Variants in ANO1 observed in about 807,000 individuals in gnomAD.
The protein encoded by ANO1 is anoctamin 1.
ANO1 carries 59 observed loss-of-function variants against 124.0 expected under a neutral mutation model. The ratio of observed to expected loss-of-function variants is 0.48; its 90% CI spans 0.39 to 0.59. The LOEUF (loss-of-function observed/expected upper bound fraction) is 0.59. ANO1 is among the 20% of genes least tolerant of loss of function. ANO1 has a pLI of 0.00. For synonymous variants in ANO1, 529 were observed against 532.0 expected (o/e 0.99, Z 0.08); for missense variants, 1,059 against 1,328.0 (o/e 0.80, Z 3.15).
At chr11:70,156,886 C>T (rs1439114823) in intron 15 of ANO1, 61 bp from the exon 16 acceptor site, 3 of 1,502,450 alleles carry the variant, frequency 2.0e-6, no homozygotes, top group Non-Finnish European at 1.8e-6. Context: ...CCCACGCTGA[C>T]ACACAGAGAT....
At chr11:70,162,548 C>T (rs1396924222) in intron 18 of ANO1, among the ~76,000 whole-genome samples, 1 of 152,150 alleles carries the variant, frequency 6.6e-6, no homozygotes, top group South Asian at 2.1e-4. Context: ...CGCCTGGGCC[C>T]TCTGGAGCCA....
intron 11 of ANO1, among the ~76,000 whole-genome samples, chr11:70,133,875 C>T (rs575432311): frequency 1.4e-3 from 219 of 152,314 alleles, no homozygotes; most frequent in African/African-American, 5.0e-3. Flanking sequence ...CTCTGCAGCT[C>T]CTGCTCCAGC....
chr11:70,019,308 C>A (rs1196581963), intron 1 of ANO1, among the ~76,000 whole-genome samples: 1 of 145,772 alleles, frequency 6.9e-6, no homozygotes, highest in Non-Finnish European at 1.5e-5. Context: ...TACACACATG[C>A]CATGCACATG....
At chr11:70,098,400 G>A (rs886984238) in intron 2 of ANO1, among the ~76,000 whole-genome samples, 1 of 152,238 alleles carries the variant, frequency 6.6e-6, no homozygotes, top group African/African-American at 2.4e-5. Context: ...TATGGGAGGT[G>A]CCTGGCCTGC....
upstream of ANO1, among the ~76,000 whole-genome samples, chr11:69,981,534 C>T (rs552620831): frequency 6.6e-6 from 1 of 152,358 alleles, no homozygotes; most frequent in East Asian, 1.9e-4. Flanking sequence ...CAAGTTTAGC[C>T]TGCTTCAGCT....
chr11:70,000,885 C>G (rs1488201692), intron 1 of ANO1, among the ~76,000 whole-genome samples: 1 of 151,350 alleles, frequency 6.6e-6, no homozygotes, highest in Non-Finnish European at 1.5e-5. Context: ...ACAAATCACA[C>G]GTTGAACAAA....
upstream of ANO1, among the ~76,000 whole-genome samples, chr11:69,982,068 G>A (rs2120256049): frequency 6.6e-6 from 1 of 152,316 alleles, no homozygotes; most frequent in South Asian, 2.1e-4. Context: ...GGTTCGAGCT[G>A]TACTCTGCGG....
chr11:70,000,861 C>G (rs1238623498), intron 1 of ANO1, among the ~76,000 whole-genome samples: 1 of 151,950 alleles, frequency 6.6e-6, no homozygotes, highest in Non-Finnish European at 1.5e-5. Flanking sequence ...CTCCCAGCAA[C>G]CGCAGTGACT....
In ANO1 at chr11:70,070,638, T is replaced by A. The variant is rs929139878; in HGVS notation, c.59-7904T>A. On this transcript the variant is annotated intron_variant, in intron 1 of 27. Coordinates refer to the ANO1 transcript ENST00000531349. ...TTGCAGTGAGCCAAGATCATGCCAA[T>A]GCGCTCCAGCCTGGGCGACAGAGTG... 2.0e-5 allele frequency among the ~76,000 whole-genome samples: 3 copies of A among 152,192 alleles called. No individual in the cohort carries two copies. In the South Asian group the frequency reaches 6.2e-4, roughly 32 times the overall value.
intron 1 of ANO1, among the ~76,000 whole-genome samples, chr11:70,025,497 A>G (rs1194360917): frequency 4.6e-5 from 7 of 151,706 alleles, no homozygotes; most frequent in Admixed American, 4.6e-4. Context: ...GATGACAATG[A>G]TGGCGATGAT....
intron 1 of ANO1, among the ~76,000 whole-genome samples, chr11:69,992,832 A>T (rs1856182781): frequency 6.6e-6 from 1 of 152,200 alleles, no homozygotes; most frequent in South Asian, 2.1e-4. Flanking sequence ...CACTGGGCAC[A>T]CATGCCAGGG....
intron 1 of ANO1, among the ~76,000 whole-genome samples, chr11:70,057,404 C>T (rs1222625904): frequency 6.6e-6 from 1 of 151,544 alleles, no homozygotes; most frequent in Non-Finnish European, 1.5e-5. Context: ...ACTAGGACTC[C>T]ACCTCCTTAG....
rs202197084 is a variant in ANO1 at position 70,038,697 on chromosome 11, AAC to A, written c.59-39841_59-39840del. On this transcript the variant is annotated intron_variant, in intron 1 of 27. Transcript: ENST00000531349. ...GAGCCAGGACTTACCTGGTGCAAGA[AAC>A]ACATTTGGATTCTCAGCAATGCAGG... Among the ~76,000 whole-genome samples the A allele has an allele frequency of 8.4e-3, 1,273 of 152,288 alleles. 18 individuals carry two copies. Among genetic ancestry groups the A allele is most frequent in the African/African-American group, 0.03 (1,227 of 41,548 alleles).
the ANO1 span, among the ~76,000 whole-genome samples, chr11:69,974,461 G>A: frequency 0.6 from 91,618 of 152,134 alleles, 29,069 homozygotes; most frequent in East Asian, 0.79. Context: ...ATGAACGACC[G>A]CTTTACAGAT....
intron 23 of ANO1, among the ~76,000 whole-genome samples, chr11:70,180,546 T>C (rs1243848646): frequency 6.6e-6 from 1 of 152,138 alleles, no homozygotes; most frequent in Admixed American, 6.5e-5. Context: ...GTGCTGGGAT[T>C]ACATTCACGA....
intron 2 of ANO1, among the ~76,000 whole-genome samples, chr11:70,093,856 C>A (rs193230836): frequency 2.0e-5 from 3 of 152,374 alleles, no homozygotes; most frequent in Non-Finnish European, 2.9e-5. Context: ...GGAGACGCAA[C>A]CTCGGGGCTC....
intron 1 of ANO1, among the ~76,000 whole-genome samples, chr11:70,008,508 C>A (rs937353577): frequency 3.3e-5 from 5 of 152,168 alleles, no homozygotes; most frequent in African/African-American, 1.2e-4. Flanking sequence ...TGTCCTTTTC[C>A]CATTGAGTGG....
the ANO1 span, among the ~76,000 whole-genome samples, chr11:69,977,997 G>T: frequency 6.6e-6 from 1 of 152,212 alleles, no homozygotes; most frequent in Non-Finnish European, 1.5e-5. Flanking sequence ...GGACACTTGA[G>T]GAGGGTTTCT....
At chr11:70,002,229 T>C (rs1554999397) in intron 1 of ANO1, among the ~76,000 whole-genome samples, 1 of 152,004 alleles carries the variant, frequency 6.6e-6, no homozygotes, top group Non-Finnish European at 1.5e-5. Context: ...GGCAGGTGGA[T>C]CATGAGGTCA....
Sources: gnomAD v4.1 joint callset for allele counts (sites outside exome capture counted in the v4.1 genomes callset) on GRCh38, gnomAD v4.1.1 for gene constraint, MANE v1.5 for transcripts, NCBI Gene and HGNC (gene_info 2026-07-23, HGNC 2026-07-21) for gene names.